ADAMTS17: variants seen among roughly 807,000 people sequenced by gnomAD.
The protein encoded by ADAMTS17 is A disintegrin and metalloproteinase with thrombospondin motifs 17.
ADAMTS17 carries 113 observed loss-of-function variants against 141.5 expected under a neutral mutation model. The observed-to-expected ratio is 0.80, with a 90% CI of 0.69 to 0.93. The LOEUF is 0.93. Among genes scored for constraint, ADAMTS17 ranks in the 40% least tolerant of loss-of-function variants. The pLI is 0.00. For synonymous variants in ADAMTS17, 768 were observed against 630.6 expected (o/e 1.22, Z -3.27); for missense variants, 1,659 against 1,517.9 (o/e 1.09, Z -1.54).
intron 14 of ADAMTS17, among the ~76,000 whole-genome samples, chr15:100,099,626 C>A (rs1330034969): frequency 1.3e-5 from 2 of 152,190 alleles, no homozygotes; most frequent in Non-Finnish European, 2.9e-5. Flanking sequence ...AGCAGGGCTT[C>A]AAGTTCCTGG....
At position 100,030,989 on chromosome 15, in the gene ADAMTS17, T is replaced by C. The variant is rs2030102839; in HGVS notation, c.2591+17868A>G. ...TAGTTTTGTAGTTGAGCAGTGATGATAGTTTTGGCTGGCGTTCACGGAGTG... is the reference window on the plus strand; with the variant it reads ...TAGTTTTGTAGTTGAGCAGTGATGACAGTTTTGGCTGGCGTTCACGGAGTG... On this transcript the variant is annotated intron_variant, in intron 18 of 21. Transcript: ENST00000268070. 5.9e-5 allele frequency among the ~76,000 whole-genome samples: 9 copies of C among 152,326 alleles called. No homozygotes were observed. In the South Asian group the frequency reaches 1.9e-3, roughly 32 times the overall value.
intron 15 of ADAMTS17, among the ~76,000 whole-genome samples, chr15:100,085,846 G>C (rs754930470): frequency 5.9e-5 from 9 of 151,990 alleles, no homozygotes; most frequent in Non-Finnish European, 1.2e-4. Flanking sequence ...CTTGAAGGAA[G>C]CACTAAACAT....
chr15:100,097,879 AT>A lies in ADAMTS17; in HGVS notation c.2017-1404del, dbSNP rs907519870. The stretch of plus-strand genomic sequence containing the variant: ...TCAGGTCTCATCCTCGGAGCCTTTT[AT>A]TTTTTTGAAAAAGATCTAATGGGAA... On this transcript the variant is annotated intron_variant, in intron 14 of 21. Transcript: ENST00000268070. Among the ~76,000 whole-genome samples the A allele has an allele frequency of 6.6e-5, 10 of 151,942 alleles. No individual in the cohort carries two copies. In the East Asian group the frequency reaches 1.9e-3, roughly 29 times the overall value.
At chr15:100,122,937 C>T (rs2037524372) in intron 12 of ADAMTS17, among the ~76,000 whole-genome samples, 1 of 152,158 alleles carries the variant, frequency 6.6e-6, no homozygotes, top group African/African-American at 2.4e-5. Flanking sequence ...GTACCTTGGT[C>T]CTGAGACAAC....
At chr15:100,131,877 G>A in intron 12 of ADAMTS17, 130 bp downstream of exon 12, 1 of 1,420,128 alleles carries the variant, frequency 7.0e-7, no homozygotes, top group East Asian at 2.3e-5. Flanking sequence ...CTGGACCTTG[G>A]CTGGGTTTCA....
intron 2 of ADAMTS17, among the ~76,000 whole-genome samples, chr15:100,337,716 G>C (rs1263587505): frequency 6.6e-6 from 1 of 152,240 alleles, no homozygotes; most frequent in Admixed American, 6.5e-5. Context: ...GACCAAACCC[G>C]ACAGCAGGGG....
At chr15:100,010,419 AC>A (rs1257829149) in intron 18 of ADAMTS17, among the ~76,000 whole-genome samples, 1 of 152,202 alleles carries the variant, frequency 6.6e-6, no homozygotes, top group Non-Finnish European at 1.5e-5. Flanking sequence ...GTGGTGCAGG[AC>A]CAGGGAGAAA....
At chr15:100,228,429 G>A (rs1231909642) in intron 7 of ADAMTS17, among the ~76,000 whole-genome samples, 2 of 152,156 alleles carry the variant, frequency 1.3e-5, no homozygotes, top group Non-Finnish European at 1.5e-5. Flanking sequence ...GGTACCATAC[G>A]CAAAGCCTGA....
At chr15:100,226,797 A>G (rs1309840371) in intron 7 of ADAMTS17, among the ~76,000 whole-genome samples, 1 of 152,174 alleles carries the variant, frequency 6.6e-6, no homozygotes, top group African/African-American at 2.4e-5. Flanking sequence ...AATAAGTGAG[A>G]ATTCATTGGT....
At chr15:99,980,809 C>T (rs948072534) in intron 20 of ADAMTS17, 5 of 152,410 alleles carry the variant, frequency 3.3e-5, no homozygotes, top group Middle Eastern at 3.4e-3. Context: ...CAATGACCAT[C>T]GTAAAACTCA....
intron 7 of ADAMTS17, among the ~76,000 whole-genome samples, chr15:100,229,680 T>C (rs531136007): frequency 3.2e-4 from 48 of 152,184 alleles, no homozygotes; most frequent in Non-Finnish European, 6.6e-4. Context: ...ACATGATCCG[T>C]TGAAGATGCT....
rs1230548001 is a variant in ADAMTS17 at position 99,973,564 on chromosome 15, C to G, written c.*838G>C. 3 of 152,408 alleles carry G rather than the reference C, an allele frequency of 2.0e-5. No individual in the cohort carries two copies. Among genetic ancestry groups the G allele is most frequent in the Non-Finnish European group, 2.9e-5 (2 of 68,216 alleles). 9.4% of individuals were successfully genotyped at this position (152,408 alleles called of 1,614,324 possible). Reference sequence around the variant, plus strand: ...CCCATCCGCCCCAGTGAAGCTGGCCCAAGCTTACCTTTGCCTTAGGAAGCA... The same window carrying G: ...CCCATCCGCCCCAGTGAAGCTGGCCGAAGCTTACCTTTGCCTTAGGAAGCA... On this transcript the variant is annotated 3_prime_UTR_variant, in exon 22 of 22. Transcript: ENST00000268070.
intron 12 of ADAMTS17, among the ~76,000 whole-genome samples, chr15:100,123,058 G>A (rs2037531418): frequency 6.6e-6 from 1 of 152,212 alleles, no homozygotes; most frequent in South Asian, 2.1e-4. Context: ...AGTTCTGGGG[G>A]AGGACTCAAA....
chr15:100,075,476 G>T (rs1031970363), intron 15 of ADAMTS17, among the ~76,000 whole-genome samples: 9 of 152,164 alleles, frequency 5.9e-5, no homozygotes, highest in South Asian at 4.1e-4. Flanking sequence ...GGTCATACTT[G>T]CTTTCTCTGA....
intron 15 of ADAMTS17, among the ~76,000 whole-genome samples, chr15:100,078,790 C>T (rs183066973): frequency 1.0e-3 from 153 of 152,296 alleles, no homozygotes; most frequent in African/African-American, 3.6e-3. Flanking sequence ...AACTCATACA[C>T]TGGGAGAAAA....
intron 7 of ADAMTS17, among the ~76,000 whole-genome samples, chr15:100,221,458 G>A (rs2042131754): frequency 6.6e-6 from 1 of 152,180 alleles, no homozygotes. Context: ...GAATAAAGTT[G>A]TTCTGAATGG....
chr15:100,191,150 C>A (rs1490964619), intron 8 of ADAMTS17, among the ~76,000 whole-genome samples: 1 of 152,232 alleles, frequency 6.6e-6, no homozygotes, highest in Non-Finnish European at 1.5e-5. Flanking sequence ...TTCCCTCCTG[C>A]CTCCTCAAAC....
In ADAMTS17 at chr15:100,096,467, A is replaced by G. The variant is rs746877774; in HGVS notation, c.2026T>C (p.Cys676Arg). 14 of 1,614,068 alleles carry G rather than the reference A, an allele frequency of 8.7e-6. No homozygotes were observed. The highest frequency in any genetic ancestry group is 1.3e-5 in the African/African-American group (1 of 74,944). Residue 676 changes from cysteine (C) to arginine (R), a missense_variant, in exon 15 of 22, where the codon TGT (cysteine) becomes CGT (arginine). By Grantham distance (180) the Cys-to-Arg change is radical. Coordinates refer to ENST00000268070, the MANE Select transcript of ADAMTS17 (RefSeq NM_139057.4). ...CVHGKCQKIG[C>R]DGIIGSAAKE... is the part of the protein sequence containing the mutation. ...GCTGCAGACCCGATGATGCCGTCAC[A>G]GCCGATTTTCTAAAGAACCAGAGGG...
chr15:100,035,951 G>A (rs184073576), intron 18 of ADAMTS17, among the ~76,000 whole-genome samples: 2 of 152,286 alleles, frequency 1.3e-5, no homozygotes, highest in East Asian at 3.9e-4. Flanking sequence ...GACATAGGGG[G>A]TCCCGTCCAG....
Sources: gnomAD v4.1 joint callset for allele counts (sites outside exome capture counted in the v4.1 genomes callset) on GRCh38, gnomAD v4.1.1 for gene constraint, MANE v1.5 for transcripts, NCBI Gene and HGNC (gene_info 2026-07-23, HGNC 2026-07-21) for gene names.